The following DCDC1 variants were observed in gnomAD, a reference collection of about 807,000 sequenced individuals.
DCDC1 encodes the protein doublecortin domain containing 1, also known as doublecortin domain-containing protein 1.
DCDC1 carries 200 observed loss-of-function variants against 178.3 expected under a neutral mutation model. The ratio of observed to expected loss-of-function variants is 1.12; its 90% CI spans 1.00 to 1.26. The LOEUF is 1.26. DCDC1 is among the 50% of genes most tolerant of loss of function. DCDC1 has a pLI of 0.00. For missense variants in DCDC1, 1,983 were observed against 1,749.2 expected (o/e 1.13, Z -2.38); for synonymous variants, 690 against 604.8 (o/e 1.14, Z -2.07).
At chr11:30,992,448 T>G (rs1222006822) in intron 20 of DCDC1, 1 of 152,198 alleles carries the variant, frequency 6.6e-6, no homozygotes, top group Non-Finnish European at 1.5e-5. Context: ...CTGCCAAAGA[T>G]AGATACCAAC....
chr11:31,132,418 A>C (rs1962555673), intron 10 of DCDC1, among the ~76,000 whole-genome samples: 1 of 152,202 alleles, frequency 6.6e-6, no homozygotes, highest in Admixed American at 6.5e-5. Flanking sequence ...CTCATGAATT[A>C]TTTTACATAA....
intron 17 of DCDC1, among the ~76,000 whole-genome samples, chr11:31,082,251 T>C (rs945249634): frequency 1.3e-5 from 2 of 152,210 alleles, no homozygotes; most frequent in Non-Finnish European, 2.9e-5. Flanking sequence ...ACTAGACATA[T>C]GACCTTTAGT....
chr11:31,357,140 A>G (rs1951423446), intron 1 of DCDC1, among the ~76,000 whole-genome samples: 1 of 152,172 alleles, frequency 6.6e-6, no homozygotes, highest in African/African-American at 2.4e-5. Context: ...ACCAAAAAAG[A>G]GAATTTTAGA....
chr11:31,102,333 A>C, intron 14 of DCDC1, 51 bp from the exon 15 acceptor site: 1 of 617,572 alleles, frequency 1.6e-6, no homozygotes. Context: ...TATGCATTTA[A>C]TTACAATGCC....
chr11:30,894,490 AG>A, intron 34 of DCDC1, 106 bp from the exon 35 acceptor site: 1 of 1,455,372 alleles, frequency 6.9e-7, no homozygotes. Flanking sequence ...CAGGAGCATA[AG>A]CTAAAATACT....
intron 9 of DCDC1, among the ~76,000 whole-genome samples, chr11:31,172,624 A>T (rs1308384645): frequency 3.9e-5 from 6 of 152,194 alleles, no homozygotes; most frequent in African/African-American, 1.4e-4. Context: ...CAATTAACTC[A>T]TATTTTTAGT....
chr11:31,365,748 T>C lies in DCDC1; in HGVS notation c.-125+3949A>G, dbSNP rs150874677. On this transcript the variant is annotated intron_variant, in intron 1 of 38. Coordinates refer to ENST00000684477, the MANE Select transcript of DCDC1 (RefSeq NM_001387274.1). The stretch of plus-strand genomic sequence containing the variant: ...TACATCTATAGCACTTGATCAATCA[T>C]CTGGGAATCAAATATTTAATATACG... Among the ~76,000 whole-genome samples, 518 of 152,282 alleles carry C rather than the reference T, an allele frequency of 3.4e-3. 5 individuals are homozygous for C. The highest frequency in any genetic ancestry group is 0.012 in the African/African-American group (492 of 41,558).
At chr11:31,127,028 T>C (rs1213332366) in intron 11 of DCDC1, among the ~76,000 whole-genome samples, 2 of 152,208 alleles carry the variant, frequency 1.3e-5, no homozygotes, top group African/African-American at 4.8e-5. Flanking sequence ...CAGATGCTTT[T>C]CCTTGGAAAT....
rs567441447 is a variant in DCDC1, at chr11:31,107,628, T to C, written c.1588-668A>G. Among the ~76,000 whole-genome samples, 6 of 152,342 alleles carry C rather than the reference T, an allele frequency of 3.9e-5. No individual in the cohort carries two copies. The South Asian group carries it at 1.0e-3, about 26-fold the overall frequency. On this transcript the variant is annotated intron_variant, in intron 12 of 38. Coordinates refer to ENST00000684477, the MANE Select transcript of DCDC1 (RefSeq NM_001387274.1). The stretch of plus-strand genomic sequence containing the variant: ...TCAGTGTTTGCTTCTATCTTGCATT[T>C]AGAGTCTCTAAATTATCAAGATATT...
intron 21 of DCDC1, among the ~76,000 whole-genome samples, chr11:30,952,100 A>AAATGAGAC (rs1490868579): frequency 6.6e-6 from 1 of 152,222 alleles, no homozygotes; most frequent in East Asian, 1.9e-4. Flanking sequence ...AGTATTGGAT[A>AAATGAGAC]AATGAGACTA....
intron 9 of DCDC1, among the ~76,000 whole-genome samples, chr11:31,149,535 G>A (rs1964916546): frequency 1.3e-5 from 2 of 152,010 alleles, no homozygotes; most frequent in Non-Finnish European, 1.5e-5. Context: ...ACCTGCTCGG[G>A]TTGGCTTCCA....
chr11:30,964,510 C>G (rs1444435869), intron 20 of DCDC1, among the ~76,000 whole-genome samples: 2 of 152,108 alleles, frequency 1.3e-5, no homozygotes, highest in Admixed American at 6.6e-5. Flanking sequence ...ACCGCAGCAT[C>G]CGTCACACCA....
chr11:30,994,813 A>C (rs1363370726), intron 20 of DCDC1, among the ~76,000 whole-genome samples: 1 of 148,114 alleles, frequency 6.8e-6, no homozygotes, highest in Non-Finnish European at 1.5e-5. Flanking sequence ...CCTACAGCTG[A>C]CATCATACTC....
rs1033379025 is a variant in DCDC1 at position 30,922,442 on chromosome 11, C to T, written c.3133+61G>A. On this transcript the variant is annotated intron_variant, in intron 24 of 38. Coordinates refer to ENST00000684477, the MANE Select transcript of DCDC1 (RefSeq NM_001387274.1). Reference sequence around the variant, plus strand: ...AAACAAACTTTGACTTTTTAAAAAGCAATATCATCAAGCATTTCATTTTGG... The same window carrying T: ...AAACAAACTTTGACTTTTTAAAAAGTAATATCATCAAGCATTTCATTTTGG... The T allele has an allele frequency of 2.8e-6, 4 of 1,417,600 alleles. No homozygotes were observed. The East Asian group carries it at 8.2e-5, about 29-fold the overall frequency. The allele number at this position is 1,417,600 out of a possible 1,614,324, so 87.8% of individuals were successfully genotyped here.
intron 3 of DCDC1, among the ~76,000 whole-genome samples, chr11:31,309,958 C>T (rs1045592042): frequency 6.6e-6 from 1 of 151,958 alleles, no homozygotes; most frequent in Non-Finnish European, 1.5e-5. Context: ...CCTAGTTATG[C>T]ATGGGCTGTC....
intron 20 of DCDC1, among the ~76,000 whole-genome samples, chr11:30,976,589 C>G (rs1950115943): frequency 6.6e-6 from 1 of 150,598 alleles, no homozygotes; most frequent in African/African-American, 2.4e-5. Context: ...AAATACTCAA[C>G]ATCACTAATC....
intron 27 of DCDC1, among the ~76,000 whole-genome samples, chr11:30,912,440 C>G (rs760665612): frequency 2.6e-5 from 4 of 152,126 alleles, no homozygotes; most frequent in Non-Finnish European, 5.9e-5. Context: ...TGTGCCACTA[C>G]GCCCAGCTAA....
At chr11:30,964,664 A>G (rs1949323240) in intron 20 of DCDC1, among the ~76,000 whole-genome samples, 1 of 152,096 alleles carries the variant, frequency 6.6e-6, no homozygotes, top group Non-Finnish European at 1.5e-5. Flanking sequence ...TATTTTTTGG[A>G]ATTTTATAGC....
At chr11:31,008,588 T>C (rs149620018) in intron 20 of DCDC1, among the ~76,000 whole-genome samples, 75 of 152,314 alleles carry the variant, frequency 4.9e-4, no homozygotes, top group Non-Finnish European at 2.6e-4. Flanking sequence ...GGACCAGACA[T>C]TCCGCCTCAG....
Sources: gnomAD v4.1 joint callset for allele counts (sites outside exome capture counted in the v4.1 genomes callset) on GRCh38, gnomAD v4.1.1 for gene constraint, MANE v1.5 for transcripts, NCBI Gene and HGNC (gene_info 2026-07-23, HGNC 2026-07-21) for gene names.